The following SRRM4 variants were observed in gnomAD, a reference collection of about 807,000 sequenced individuals.
SRRM4 encodes the protein serine/arginine repetitive matrix protein 4.
A neutral mutation model predicts 68.9 loss-of-function variants in SRRM4; 33 were observed. The ratio of observed to expected loss-of-function variants is 0.48; its 90% CI spans 0.36 to 0.64. The LOEUF is 0.64. Ranked by LOEUF, SRRM4 falls within the 30% of genes least tolerant of loss-of-function variation. SRRM4 has a pLI of 0.00. For synonymous variants in SRRM4, 318 were observed against 318.8 expected (o/e 1.00, Z 0.03); for missense variants, 817 against 827.1 (o/e 0.99, Z 0.15).
intron 1 of SRRM4, among the ~76,000 whole-genome samples, chr12:119,029,923 A>C (rs1953577414): frequency 6.6e-6 from 1 of 152,124 alleles, no homozygotes; most frequent in African/African-American, 2.4e-5. Flanking sequence ...CTCAGTGAGG[A>C]TGACCTTCCA....
At chr12:119,070,950 C>T (rs1426027195) in intron 1 of SRRM4, among the ~76,000 whole-genome samples, 4 of 152,188 alleles carry the variant, frequency 2.6e-5, no homozygotes, top group Admixed American at 2.6e-4. Flanking sequence ...AGATTAAACA[C>T]AGCGGGGAGG....
chr12:119,044,127 G>A (rs564984463), intron 1 of SRRM4, among the ~76,000 whole-genome samples: 54 of 152,224 alleles, frequency 3.5e-4, no homozygotes, highest in African/African-American at 1.2e-3. Flanking sequence ...TCGGCCTCCC[G>A]AAGTGCTGGG....
At chr12:119,060,208 C>T (rs1953802130) in intron 1 of SRRM4, among the ~76,000 whole-genome samples, 1 of 151,676 alleles carries the variant, frequency 6.6e-6, no homozygotes, top group South Asian at 2.1e-4. Flanking sequence ...AAAACAATTA[C>T]CTGAAAATAC....
chr12:119,096,187 AT>A (rs749042616), intron 1 of SRRM4, among the ~76,000 whole-genome samples: 3,123 of 134,344 alleles, frequency 0.023, 69 homozygotes, highest in African/African-American at 0.048. Flanking sequence ...CGCCCAGCTA[AT>A]TTTTTTTTTT....
intron 1 of SRRM4, among the ~76,000 whole-genome samples, chr12:119,084,403 C>G (rs1298842794): frequency 2.0e-5 from 3 of 152,214 alleles, no homozygotes; most frequent in Non-Finnish European, 4.4e-5. Flanking sequence ...GCAGCATCCT[C>G]TGCGGAAACC....
In SRRM4 at chr12:119,150,247, G is replaced by A. The variant is rs1954429896; in HGVS notation, c.1077-770G>A. Reference sequence around the variant, plus strand: ...AGCACTTTGGGAGGCCAAGGCGGGTGGATCATTTGAGGTCAGGAGTTTGAG... The same window carrying A: ...AGCACTTTGGGAGGCCAAGGCGGGTAGATCATTTGAGGTCAGGAGTTTGAG... On this transcript the variant is annotated intron_variant, in intron 9 of 12. Transcript: ENST00000267260. Among the ~76,000 whole-genome samples the A allele has an allele frequency of 2.0e-5, 3 of 152,306 alleles. No individual in the cohort carries two copies. In the South Asian group the frequency reaches 6.2e-4, roughly 32 times the overall value.
chr12:119,071,106 C>A (rs1471869066), intron 1 of SRRM4, among the ~76,000 whole-genome samples: 5 of 152,188 alleles, frequency 3.3e-5, no homozygotes, highest in African/African-American at 1.2e-4. Context: ...CATGTTTGTC[C>A]TCCCACAAGC....
At chr12:119,085,491 C>T (rs1953974729) in intron 1 of SRRM4, among the ~76,000 whole-genome samples, 1 of 152,174 alleles carries the variant, frequency 6.6e-6, no homozygotes, top group Non-Finnish European at 1.5e-5. Flanking sequence ...GATGCTGGGA[C>T]TTTTCAGAGT....
chr12:119,000,222 G>C (rs115308508), intron 1 of SRRM4, among the ~76,000 whole-genome samples: 2,961 of 152,230 alleles, frequency 0.019, 112 homozygotes, highest in African/African-American at 0.067. Flanking sequence ...GAAAAGAGCC[G>C]GGCACACCTC....
intron 10 of SRRM4, among the ~76,000 whole-genome samples, chr12:119,152,301 A>G (rs1023107416): frequency 3.3e-5 from 5 of 152,214 alleles, no homozygotes; most frequent in African/African-American, 1.2e-4. Flanking sequence ...AATATTCAAC[A>G]TGATAGAGTG....
At chr12:119,076,891 T>C (rs1258967501) in intron 1 of SRRM4, among the ~76,000 whole-genome samples, 1 of 152,132 alleles carries the variant, frequency 6.6e-6, no homozygotes, top group Non-Finnish European at 1.5e-5. Context: ...GAATTAAGAA[T>C]TTTTAAAAAC....
chr12:119,010,775 C>A (rs1594025505), intron 1 of SRRM4, among the ~76,000 whole-genome samples: 2 of 152,084 alleles, frequency 1.3e-5, no homozygotes, highest in Admixed American at 1.3e-4. Context: ...CTGCAAACAG[C>A]CCAGATGCTC....
In SRRM4 at chr12:119,032,859, T is replaced by C. The variant is rs150045053; in HGVS notation, c.131+50846T>C. On this transcript the variant is annotated intron_variant, in intron 1 of 12. Coordinates refer to ENST00000267260, the MANE Select transcript of SRRM4 (RefSeq NM_194286.4). ...TTTTCTGTCTCTTATGTTAATATGG[T>C]AATTTATGTTTCCCTGCAAATTGTC... Among the ~76,000 whole-genome samples, 464 of 152,304 alleles carry C rather than the reference T, an allele frequency of 3.0e-3. 4 individuals are homozygous for C. The highest frequency in any genetic ancestry group is 0.01 in the African/African-American group (419 of 41,568).
intron 1 of SRRM4, among the ~76,000 whole-genome samples, chr12:119,033,341 C>T (rs576410530): frequency 6.6e-6 from 1 of 152,256 alleles, no homozygotes; most frequent in South Asian, 2.1e-4. Context: ...TGTTATTTCA[C>T]CCCTACACAC....
Position 119,154,280 on chromosome 12 carries a change from C to CAGCGGG in SRRM4, c.1434_1439dup (p.Glu481_Arg482dup). On this transcript the variant is annotated inframe_insertion, in exon 12 of 13. Coordinates refer to ENST00000267260, the MANE Select transcript of SRRM4 (RefSeq NM_194286.4). The surrounding 1 kb of genome is among the most constrained non-coding windows in gnomAD (Gnocchi z 4.7). ...CAAATACAGTGAGAAGGACTCGCAGCAGCGGGAGCGCGAGCGAGCGCGTCG... is the reference window on the plus strand; with the variant it reads ...CAAATACAGTGAGAAGGACTCGCAGCAGCGGGAGCGGGAGCGCGAGCGAGCGCGTCG... 6.2e-7 allele frequency: 1 copy of CAGCGGG among 1,610,424 alleles called. No individual in the cohort carries two copies. The highest frequency in any genetic ancestry group is 8.5e-7 in the Non-Finnish European group (1 of 1,178,460).
intron 1 of SRRM4, chr12:118,989,749 C>T (rs974984952): frequency 6.6e-6 from 1 of 152,184 alleles, no homozygotes; most frequent in Non-Finnish European, 1.5e-5. Flanking sequence ...TATTAAGATC[C>T]TCTGGACGCA....
intron 6 of SRRM4, among the ~76,000 whole-genome samples, chr12:119,122,886 T>G (rs4285939): frequency 0.97 from 147,328 of 152,270 alleles, 71,300 homozygotes; most frequent in African/African-American, 0.99. Flanking sequence ...AGATGTCAGT[T>G]AAGCTCCTAG....
Position 119,154,515 on chromosome 12 carries a change from C to A in SRRM4, c.1532+132C>A. The A allele has an allele frequency of 2.1e-6, 2 of 963,362 alleles. No homozygotes were observed. Among genetic ancestry groups the A allele is most frequent in the South Asian group, 1.6e-5 (1 of 60,714 alleles). The allele number at this position is 963,362 out of a possible 1,614,324, so 59.7% of individuals were successfully genotyped here. A position where few individuals can be genotyped will look rare whatever the true frequency, so the allele number is the denominator to read the frequency against. ...GGATTGTGCGAGCTTATGGTCCCCC[C>A]AACCCCAACATCATTGAAATTACGT... On this transcript the variant is annotated intron_variant, in intron 12 of 12. Transcript: ENST00000267260. The surrounding 1 kb of genome is among the most constrained non-coding windows in gnomAD (Gnocchi z 4.7).
At chr12:119,029,268 C>G (rs1205433442) in intron 1 of SRRM4, among the ~76,000 whole-genome samples, 1 of 152,104 alleles carries the variant, frequency 6.6e-6, no homozygotes, top group Non-Finnish European at 1.5e-5. Flanking sequence ...TCCTTTGTCA[C>G]TGAGTGGAAA....
Sources: gnomAD v4.1 joint callset for allele counts (sites outside exome capture counted in the v4.1 genomes callset) on GRCh38, gnomAD v4.1.1 for gene constraint, Gnocchi (gnomAD v3.1) non-coding constraint, MANE v1.5 for transcripts, NCBI Gene and HGNC (gene_info 2026-07-23, HGNC 2026-07-21) for gene names.